TCF25: variants seen among roughly 807,000 people sequenced by gnomAD.
TCF25 encodes TCF25 ribosome quality control complex subunit.
A neutral mutation model predicts 83.1 loss-of-function variants in TCF25; 41 were observed. That is an observed-to-expected ratio of 0.49 (90% CI 0.38 to 0.64). The LOEUF is 0.64. TCF25 is among the 30% of genes least tolerant of loss of function. TCF25 has a pLI of 0.00. For synonymous variants in TCF25, 458 were observed against 365.0 expected (o/e 1.25, Z -2.90); for missense variants, 979 against 914.5 (o/e 1.07, Z -0.91).
At chr16:89,907,487 GC>G (rs2044955052) in intron 16 of TCF25, among the ~76,000 whole-genome samples, 165 bp downstream of exon 16, 2 of 11,204 alleles carry the variant, frequency 1.8e-4, no homozygotes, top group African/African-American at 2.9e-4. Flanking sequence ...CCACCTCCCA[GC>G]TCCCACCTCC....
At chr16:89,888,891 C>G (rs1331955471) in intron 5 of TCF25, among the ~76,000 whole-genome samples, 1 of 139,292 alleles carries the variant, frequency 7.2e-6, no homozygotes, top group Non-Finnish European at 1.5e-5. Context: ...TTCACCATGT[C>G]GGCCAGGCTG....
intron 3 of TCF25, among the ~76,000 whole-genome samples, chr16:89,885,431 G>A (rs2042929877): frequency 6.6e-6 from 1 of 152,136 alleles, no homozygotes; most frequent in Admixed American, 6.6e-5. Context: ...TGCATGGTGG[G>A]TACAGAACCC....
In TCF25 at chr16:89,887,699, C is replaced by T. The variant is rs775578734; in HGVS notation, c.596C>T (p.Ala199Val). 6.3e-7 allele frequency: 1 copy of T among 1,592,520 alleles called. No homozygotes were observed. Among genetic ancestry groups the T allele is most frequent in the South Asian group, 1.1e-5 (1 of 87,378 alleles). ...TELKRYFGAR[A>V]ILGEQRPRQR... ...CTGAAAAGGTATTTTGGTGCCCGGG[C>T]AATCCTGGGGGAGCAAAGGTAAGGT... Residue 199 changes from alanine to valine, a missense_variant, in exon 5 of 18, where the codon GCA (alanine) becomes GTA (valine). By Grantham distance (64) the Ala-to-Val change is moderately conservative. Coordinates refer to ENST00000263346, the MANE Select transcript of TCF25 (RefSeq NM_014972.3).
At chr16:89,906,074 G>A in intron 14 of TCF25, 120 bp from the exon 15 acceptor site, 3 of 858,796 alleles carry the variant, frequency 3.5e-6, no homozygotes, top group South Asian at 1.6e-5. Context: ...AGTTTTTGCA[G>A]CCACCAGAGA....
chr16:89,905,637 C>T (rs528208884), intron 14 of TCF25, among the ~76,000 whole-genome samples: 2 of 152,232 alleles, frequency 1.3e-5, no homozygotes, highest in Non-Finnish European at 2.9e-5. Flanking sequence ...TGCCCATTTG[C>T]ATCTCCACAG....
intron 1 of TCF25, among the ~76,000 whole-genome samples, 186 bp downstream of exon 1, chr16:89,874,045 G>A (rs1284260589): frequency 1.3e-5 from 2 of 151,318 alleles, no homozygotes; most frequent in Non-Finnish European, 3.0e-5. Flanking sequence ...GGGCGGTGGC[G>A]TGGGGTGAAG....
intron 1 of TCF25, among the ~76,000 whole-genome samples, chr16:89,879,488 G>A (rs547306860): frequency 1.4e-4 from 12 of 83,376 alleles, no homozygotes; most frequent in Admixed American, 2.6e-4. Context: ...TGTCACACGT[G>A]TTGTCCGTGT....
intron 1 of TCF25, among the ~76,000 whole-genome samples, chr16:89,879,325 T>C (rs192777211): frequency 0.17 from 17,114 of 100,454 alleles, 1,829 homozygotes; most frequent in Middle Eastern, 0.41. Context: ...CACGTGCTGT[T>C]CGTGTACACA....
chr16:89,874,883 G>C (rs971187716), intron 1 of TCF25: 3 of 152,140 alleles, frequency 2.0e-5, no homozygotes, highest in African/African-American at 7.2e-5. Context: ...CAAAGTGCTG[G>C]GACTACAGGC....
intron 12 of TCF25, among the ~76,000 whole-genome samples, chr16:89,903,521 A>AT (rs2144240804): frequency 6.6e-6 from 1 of 152,234 alleles, no homozygotes; most frequent in Non-Finnish European, 1.5e-5. Context: ...AAATATAAAA[A>AT]TTAGCCGGGT....
chr16:89,900,504 A>C, intron 11 of TCF25, 131 bp from the exon 12 acceptor site: 1 of 992,684 alleles, frequency 1.0e-6, no homozygotes, highest in Non-Finnish European at 1.4e-6. Context: ...AGTTAGGAAG[A>C]GGCCCTTGCG....
At chr16:89,910,070 G>C (rs2045422159) in intron 16 of TCF25, 1 of 155,524 alleles carries the variant, frequency 6.4e-6, no homozygotes, top group African/African-American at 2.4e-5. Context: ...GCAGCATTGA[G>C]GAATCGCGGT....
At chr16:89,907,195 C>T (rs2144287468) in intron 15 of TCF25, 48 bp from the exon 16 acceptor site, 1 of 1,584,774 alleles carries the variant, frequency 6.3e-7, no homozygotes, top group South Asian at 1.1e-5. Flanking sequence ...GAGGTAGAGG[C>T]CCCCTGGCAG....
intron 6 of TCF25, among the ~76,000 whole-genome samples, chr16:89,892,941 G>A (rs564561663): frequency 6.6e-6 from 1 of 152,326 alleles, no homozygotes; most frequent in East Asian, 1.9e-4. Flanking sequence ...CTTCTCCTGC[G>A]CCTGTGTCTG....
intron 16 of TCF25, chr16:89,908,910 C>G: frequency 7.8e-7 from 1 of 1,285,366 alleles, no homozygotes; most frequent in Non-Finnish European, 1.0e-6. Flanking sequence ...CTGCCTCTTT[C>G]AGACCCAGAT....
At chr16:89,877,730 A>C (rs970276515) in intron 1 of TCF25, among the ~76,000 whole-genome samples, 5 of 152,126 alleles carry the variant, frequency 3.3e-5, no homozygotes, top group African/African-American at 1.2e-4. Flanking sequence ...AGTTGGCAAA[A>C]ACTCTAGATT....
At chr16:89,904,857 C>A in intron 13 of TCF25, 81 bp from the exon 14 acceptor site, 1 of 1,518,806 alleles carries the variant, frequency 6.6e-7, no homozygotes, top group East Asian at 2.4e-5. Context: ...CCCCCGTCTG[C>A]CCATCCATGG....
At chr16:89,881,947 A>G (rs1234076493) in intron 1 of TCF25, among the ~76,000 whole-genome samples, 1 of 151,252 alleles carries the variant, frequency 6.6e-6, no homozygotes, top group Non-Finnish European at 1.5e-5. Context: ...TAGAGACGGG[A>G]TTTCACCATG....
chr16:89,892,395 G>T (rs2043499539), intron 6 of TCF25, 120 bp downstream of exon 6: 4 of 1,140,384 alleles, frequency 3.5e-6, no homozygotes, highest in East Asian at 2.6e-5. Context: ...GGGCGGCGGG[G>T]GGGTGTGTTC....
Sources: allele counts gnomAD v4.1 joint callset (sites outside exome capture counted in the v4.1 genomes callset), GRCh38; gene constraint gnomAD v4.1.1; transcripts MANE v1.5; gene names NCBI Gene and HGNC (gene_info 2026-07-23, HGNC 2026-07-21).